The following M1AP variants were observed in gnomAD, a reference collection of about 807,000 sequenced individuals.
M1AP encodes meiosis 1 associated protein.
In M1AP, 39 loss-of-function variants were observed where a neutral mutation model predicts 51.2. The ratio of observed to expected loss-of-function variants is 0.76; its 90% confidence interval spans 0.59 to 1.00. M1AP has a LOEUF of 1.00. Ranked by LOEUF, M1AP falls within the 50% of genes least tolerant of loss-of-function variation. M1AP has a pLI of 0.00. For missense variants in M1AP, 545 were observed against 641.2 expected (o/e 0.85, Z 1.62); for synonymous variants, 251 against 249.2 (o/e 1.01, Z -0.07).
At chr2:74,623,598 T>C (rs1355164868) in intron 2 of M1AP, among the ~76,000 whole-genome samples, 1 of 152,180 alleles carries the variant, frequency 6.6e-6, no homozygotes, top group East Asian at 1.9e-4. Context: ...CACTGATATA[T>C]TTTAAAACTT....
intron 2 of M1AP, among the ~76,000 whole-genome samples, chr2:74,630,393 C>T (rs985577894): frequency 5.3e-5 from 8 of 152,138 alleles, no homozygotes; most frequent in African/African-American, 1.4e-4. Context: ...CATAGGTAAA[C>T]GTGTGCCATG....
intron 8 of M1AP, among the ~76,000 whole-genome samples, chr2:74,561,757 G>A (rs1409716484): frequency 2.6e-5 from 4 of 152,056 alleles, no homozygotes; most frequent in African/African-American, 4.8e-5. Flanking sequence ...CCAAACAAGC[G>A]TCCAGTGCAT....
intron 2 of M1AP, among the ~76,000 whole-genome samples, chr2:74,637,067 T>C (rs561070308): frequency 1.3e-5 from 2 of 152,336 alleles, no homozygotes; most frequent in Non-Finnish European, 2.9e-5. Context: ...TTGGAGACTT[T>C]AATTACACAT....
intron 4 of M1AP, among the ~76,000 whole-genome samples, chr2:74,596,412 C>A (rs544880595): frequency 7.2e-5 from 11 of 152,100 alleles, no homozygotes; most frequent in Non-Finnish European, 1.5e-4. Flanking sequence ...GAAACCCTGT[C>A]TCTACTAAAA....
chr2:74,631,493 G>A (rs1398913832), intron 2 of M1AP, among the ~76,000 whole-genome samples: 2 of 151,942 alleles, frequency 1.3e-5, no homozygotes, highest in Non-Finnish European at 2.9e-5. Flanking sequence ...CCTTTATGCT[G>A]TTTAATATAT....
chr2:74,638,638 C>A (rs1364479254), intron 2 of M1AP, among the ~76,000 whole-genome samples: 1 of 152,170 alleles, frequency 6.6e-6, no homozygotes, highest in African/African-American at 2.4e-5. Flanking sequence ...ATTCAAGCAG[C>A]CCTTTGGAGA....
At chr2:74,576,712 C>T (rs772253961) in intron 5 of M1AP, 94 bp from the exon 6 acceptor site, 151 of 1,395,202 alleles carry the variant, frequency 1.1e-4, no homozygotes, top group Admixed American at 2.1e-4. Context: ...TAAGAGACAA[C>T]ATCTGCTACC....
chr2:74,615,307 C>A (rs550363377), intron 2 of M1AP, among the ~76,000 whole-genome samples, 158 bp from the exon 3 acceptor site: 1 of 151,844 alleles, frequency 6.6e-6, no homozygotes, highest in African/African-American at 2.4e-5. Context: ...GTTCTAGCCA[C>A]TGCACCAAAA....
Position 74,576,616 on chromosome 2 carries a change from A to G in M1AP, c.772T>C (p.Cys258Arg). The change falls in exon 6 of 11, where the codon TGT becomes CGT. Residue 258 changes from cysteine to arginine, a missense_variant and splice_region_variant. Coordinates refer to ENST00000421985, the MANE Select transcript of M1AP (RefSeq NM_001321739.2). Reference sequence around the variant, plus strand: ...CGCTCTTGGAGATCACATTTCAGACACACTACAATAAAAGGAGATTACATT... The same window carrying G: ...CGCTCTTGGAGATCACATTTCAGACGCACTACAATAAAAGGAGATTACATT... The part of the protein sequence containing the change: ...NISRPRDNPM[C>R]LKCDLQERLL... 2 of 1,613,940 alleles carry G rather than the reference A, an allele frequency of 1.2e-6. No individual in the cohort carries two copies. Among genetic ancestry groups the G allele is most frequent in the Non-Finnish European group, 1.7e-6 (2 of 1,179,876 alleles).
In M1AP at chr2:74,574,544, A is replaced by G. The variant is rs116235669; in HGVS notation, c.1074+894T>C. ...GTCTACTGCAATACCCTCCTAGCTCATTTTCATGTTTCCATTTTTGCTTCT... is the reference window on the plus strand; with the variant it reads ...GTCTACTGCAATACCCTCCTAGCTCGTTTTCATGTTTCCATTTTTGCTTCT... On this transcript the variant is annotated intron_variant, in intron 7 of 10. Transcript: ENST00000421985. 2.9e-3 allele frequency among the ~76,000 whole-genome samples: 437 copies of G among 152,258 alleles called. 1 individual carries two copies. Among genetic ancestry groups the G allele is most frequent in the African/African-American group, 9.8e-3 (408 of 41,538 alleles).
rs980650404 is a variant in M1AP, at chr2:74,579,792, A to T, written c.769+1882T>A. Among the ~76,000 whole-genome samples the T allele has an allele frequency of 2.8e-4, 43 of 151,918 alleles. 1 individual carries two copies. The highest frequency in any genetic ancestry group is 9.7e-4 in the African/African-American group (40 of 41,444). On this transcript the variant is annotated intron_variant, in intron 5 of 10. Transcript: ENST00000421985. ...GGCAATGTCTTCTTTCTTTTTTTTA[A>T]AAAAAAATCTTTATTATTAAAAACA...
At chr2:74,646,646 A>C (rs1420505195) in intron 1 of M1AP, among the ~76,000 whole-genome samples, 1 of 152,270 alleles carries the variant, frequency 6.6e-6, no homozygotes, top group Non-Finnish European at 1.5e-5. Flanking sequence ...TTGCTCTCTC[A>C]TAAGTTTTAC....
At chr2:74,644,627 G>A (rs1558704919) in intron 1 of M1AP, among the ~76,000 whole-genome samples, 3 of 151,774 alleles carry the variant, frequency 2.0e-5, no homozygotes, top group African/African-American at 7.3e-5. Flanking sequence ...TTGGATAGTG[G>A]AAGTCAGCAT....
rs1304965781 is a variant in M1AP at position 74,616,514 on chromosome 2, C to G, written c.241-1365G>C. Among the ~76,000 whole-genome samples, 8 of 152,044 alleles carry G rather than the reference C, an allele frequency of 5.3e-5. No individual in the cohort carries two copies. In the East Asian group the frequency reaches 1.5e-3, roughly 29 times the overall value. ...TAGATTGTTCCTTTTTCTCCTTGAA[C>G]TCATATTTCCATTTCACTTTCCCTG... On this transcript the variant is annotated intron_variant, in intron 2 of 10. Coordinates refer to ENST00000421985, the MANE Select transcript of M1AP (RefSeq NM_001321739.2).
At chr2:74,564,013 G>A (rs796222237) in intron 7 of M1AP, among the ~76,000 whole-genome samples, 8 of 152,268 alleles carry the variant, frequency 5.3e-5, no homozygotes, top group African/African-American at 9.6e-5. Context: ...GGTACAAACC[G>A]TAACAACCTC....
intron 3 of M1AP, among the ~76,000 whole-genome samples, chr2:74,612,456 G>T (rs1681423415): frequency 6.6e-6 from 1 of 152,028 alleles, no homozygotes; most frequent in South Asian, 2.1e-4. Flanking sequence ...CTGGCCTCAA[G>T]CAATCCTCCT....
intron 2 of M1AP, among the ~76,000 whole-genome samples, chr2:74,617,681 A>G (rs1681750099): frequency 6.6e-6 from 1 of 152,196 alleles, no homozygotes; most frequent in African/African-American, 2.4e-5. Context: ...AATAAAAGTT[A>G]AAAAAATTCA....
intron 4 of M1AP, among the ~76,000 whole-genome samples, chr2:74,606,189 T>C (rs1317930598): frequency 6.6e-6 from 1 of 152,174 alleles, no homozygotes; most frequent in Non-Finnish European, 1.5e-5. Context: ...TCCTGGTGTA[T>C]GCTCCACTGT....
At chr2:74,585,182 G>A (rs1249973148) in intron 4 of M1AP, among the ~76,000 whole-genome samples, 1 of 152,136 alleles carries the variant, frequency 6.6e-6, no homozygotes, top group Non-Finnish European at 1.5e-5. Context: ...TCTATTGGAA[G>A]GGGAGAGGGT....
Sources: allele counts gnomAD v4.1 joint callset (sites outside exome capture counted in the v4.1 genomes callset), GRCh38; gene constraint gnomAD v4.1.1; transcripts MANE v1.5; gene names NCBI Gene and HGNC (gene_info 2026-07-23, HGNC 2026-07-21).